CREBBP: variants seen among roughly 807,000 people sequenced by gnomAD.
CREBBP encodes CREB binding lysine acetyltransferase, also known as CREB-binding protein.
Under a neutral mutation model 265.0 loss-of-function variants are expected in CREBBP, and 19 were observed. The ratio of observed to expected loss-of-function variants is 0.07; its 90% CI spans 0.05 to 0.11. CREBBP has a LOEUF of 0.11. CREBBP is among the 10% of genes least tolerant of loss of function. CREBBP has a pLI of 1.00. For missense variants in CREBBP, 2,525 were observed against 3,219.0 expected (o/e 0.78, Z 5.22); for synonymous variants, 1,457 against 1,223.7 (o/e 1.19, Z -3.98).
Position 3,793,358 on chromosome 16 carries a change from C to A in CREBBP, c.1216+28G>T, listed in dbSNP as rs760513845. On this transcript the variant is annotated intron_variant, in intron 4 of 30. Transcript: ENST00000262367. ...AAGGCAAATTCTTCCTGACCTCTAC[C>A]ACTAGGAGTTCCAAAAACAGCACTT... is the stretch of plus-strand genomic sequence containing the variant. 1.9e-6 allele frequency: 3 copies of A among 1,613,472 alleles called. No homozygotes were observed. In the East Asian group the frequency reaches 6.7e-5, roughly 36 times the overall value.
chr16:3,858,077 G>T (rs1358984620), intron 1 of CREBBP, among the ~76,000 whole-genome samples: 4 of 152,094 alleles, frequency 2.6e-5, no homozygotes, highest in Admixed American at 2.6e-4. Context: ...CAGACTGTTA[G>T]GTGGGGATCA....
At chr16:3,811,095 A>T (rs951445243) in intron 2 of CREBBP, among the ~76,000 whole-genome samples, 1 of 152,122 alleles carries the variant, frequency 6.6e-6, no homozygotes, top group Non-Finnish European at 1.5e-5. Flanking sequence ...AAAACCTTCC[A>T]AAGCTGCTAC....
In CREBBP at chr16:3,805,410, T is replaced by C. The variant is rs182031597; in HGVS notation, c.975+5193A>G. Among the ~76,000 whole-genome samples the C allele has an allele frequency of 3.5e-4, 53 of 152,326 alleles. 1 individual carries two copies. Among genetic ancestry groups the C allele is most frequent in the Middle Eastern group, 6.8e-3 (2 of 294 alleles). Reference sequence around the variant, plus strand: ...ACTCTGTAAGGACTCTCTTTAGTCCTAGGATAGAGGGAGGTATTAGACAAG... The same window carrying C: ...ACTCTGTAAGGACTCTCTTTAGTCCCAGGATAGAGGGAGGTATTAGACAAG... On this transcript the variant is annotated intron_variant, in intron 3 of 30. Coordinates refer to ENST00000262367, the MANE Select transcript of CREBBP (RefSeq NM_004380.3).
chr16:3,727,857 T>C lies in CREBBP; in HGVS notation c.7190A>G (p.Gln2397Arg), dbSNP rs2151298687. 1.2e-6 allele frequency: 2 copies of C among 1,614,080 alleles called. No individual in the cohort carries two copies. Among genetic ancestry groups the C allele is most frequent in the East Asian group, 2.2e-5 (1 of 44,876 alleles). Residue 2397 changes from glutamine (Q) to arginine (R), a missense_variant, in exon 31 of 31, where the codon CAG becomes CGG. By Grantham distance (43) the Gln-to-Arg change is conservative (BLOSUM62 1). This residue lies in a region of CREBBP where 473 missense variants were observed against 459.3 expected (regional missense o/e 1.03). Transcript: ENST00000262367. ...CTGTTCGGGGTTCCCCAAGTGTCCCTGATCTATGGAGCTGGCCATGGTGAC... is the reference window on the plus strand; with the variant it reads ...CTGTTCGGGGTTCCCCAAGTGTCCCCGATCTATGGAGCTGGCCATGGTGAC... ...LAVTMASSIDQGHLGNPEQSA... is the reference protein window; with the variant it reads ...LAVTMASSIDRGHLGNPEQSA...
chr16:3,804,226 G>T (rs1190831839), intron 3 of CREBBP, among the ~76,000 whole-genome samples: 1 of 152,040 alleles, frequency 6.6e-6, no homozygotes, highest in Non-Finnish European at 1.5e-5. Context: ...AAGTTCAAGA[G>T]AATTACCAAT....
intron 2 of CREBBP, among the ~76,000 whole-genome samples, chr16:3,821,133 T>C (rs977094990): frequency 5.9e-5 from 9 of 152,242 alleles, no homozygotes; most frequent in Admixed American, 5.9e-4. Context: ...GTTTTCCTTA[T>C]CTATAAAATA....
chr16:3,836,261 C>G (rs895821137), intron 2 of CREBBP, among the ~76,000 whole-genome samples: 29 of 151,502 alleles, frequency 1.9e-4, no homozygotes, highest in Admixed American at 6.6e-4. Flanking sequence ...TGGTGAAACC[C>G]TATCTCTACC....
intron 3 of CREBBP, among the ~76,000 whole-genome samples, chr16:3,802,745 A>C (rs530613027): frequency 9.3e-4 from 142 of 152,134 alleles, no homozygotes; most frequent in African/African-American, 3.3e-3. Context: ...TGTGCAGCCA[A>C]TGCCCCGGAT....
intron 19 of CREBBP, among the ~76,000 whole-genome samples, chr16:3,753,447 G>A (rs1364061751): frequency 6.6e-6 from 1 of 152,122 alleles, no homozygotes; most frequent in African/African-American, 2.4e-5. Context: ...GATTAATGAA[G>A]GTTTCTTGCT....
rs754396803 is a variant in CREBBP, at chr16:3,728,284, G to A, written c.6763C>T (p.Pro2255Ser). The change falls in exon 31 of 31, where the codon CCC becomes TCC. Residue 2255 changes from proline (P) to serine (S), a missense_variant. Pro to Ser is a moderately conservative substitution (Grantham distance 74). Around this residue, in one of 19 missense-constraint regions of CREBBP, gnomAD observed 473 missense variants for 459.3 expected, o/e 1.03. Coordinates refer to ENST00000262367, the MANE Select transcript of CREBBP (RefSeq NM_004380.3). The surrounding 1 kb of genome is among the most constrained non-coding windows in gnomAD (Gnocchi z 8.7). ...TGGCCCATGGAGCTGCCCTGGAGGG[G>A]GAGATGCTGCTGCATGCGCTGCTGC... Reference protein sequence around the residue: ...QQQQRMQQHLPLQGSSMGQMA... With the variant: ...QQQQRMQQHLSLQGSSMGQMA... The A allele has an allele frequency of 4.3e-5, 70 of 1,612,156 alleles. No homozygotes were observed. Among genetic ancestry groups the A allele is most frequent in the Non-Finnish European group, 5.5e-5 (65 of 1,179,622 alleles).
At chr16:3,730,156 C>T (rs753296518) in intron 30 of CREBBP, among the ~76,000 whole-genome samples, 5 of 152,210 alleles carry the variant, frequency 3.3e-5, no homozygotes, top group African/African-American at 1.2e-4. Context: ...ACCTTCACTC[C>T]TGGCAACAGC....
chr16:3,780,600 T>C, intron 8 of CREBBP, 132 bp downstream of exon 8: 2 of 938,418 alleles, frequency 2.1e-6, no homozygotes, highest in Non-Finnish European at 3.3e-6. Context: ...GCCAGAACTC[T>C]ACCAGCAGTG....
rs1596781456 is a variant in CREBBP at position 3,728,102 on chromosome 16, G to A, written c.6945C>T (p.Ser2315=). 1 of 1,614,162 alleles carries A rather than the reference G, an allele frequency of 6.2e-7. No homozygotes were observed. Among genetic ancestry groups the A allele is most frequent in the Non-Finnish European group, 8.5e-7 (1 of 1,180,018 alleles). ...IGSPGQPNPM[S]PQQHMLSGQP... ...GTCCTGAGAGCATGTGTTGCTGGGG[G>A]CTCATGGGGTTCGGCTGGCCTGGGG... The change falls in exon 31 of 31, where the codon AGC becomes AGT. Residue 2315 remains serine, a synonymous_variant. Coordinates refer to ENST00000262367, the MANE Select transcript of CREBBP (RefSeq NM_004380.3). The surrounding 1 kb of genome is among the most constrained non-coding windows in gnomAD (Gnocchi z 8.7).
intron 3 of CREBBP, among the ~76,000 whole-genome samples, chr16:3,804,094 TC>T (rs1341169751): frequency 1.3e-5 from 2 of 148,942 alleles, no homozygotes; most frequent in African/African-American, 2.5e-5. Flanking sequence ...AAAAAAAAAA[TC>T]ACCCGACCAA....
intron 1 of CREBBP, among the ~76,000 whole-genome samples, chr16:3,877,404 G>T (rs765223588): frequency 6.6e-6 from 1 of 152,152 alleles, no homozygotes; most frequent in South Asian, 2.1e-4. Flanking sequence ...CAGACAAAGT[G>T]TCCCTCGTTT....
intron 25 of CREBBP, 116 bp from the exon 26 acceptor site, chr16:3,738,788 C>T: frequency 6.7e-6 from 5 of 747,308 alleles, no homozygotes; most frequent in Non-Finnish European, 1.2e-5. Flanking sequence ...CTCTGTCATT[C>T]AGGCTGCAAT....
At chr16:3,750,147 C>CA (rs2052440571) in intron 20 of CREBBP, among the ~76,000 whole-genome samples, 1 of 152,170 alleles carries the variant, frequency 6.6e-6, no homozygotes, top group African/African-American at 2.4e-5. Context: ...ACTACAGGTA[C>CA]AAACCACCAC....
rs756844215 is a variant in CREBBP at position 3,793,479 on chromosome 16, C to T, written c.1123G>A (p.Gly375Arg). 2 of 1,614,164 alleles carry T rather than the reference C, an allele frequency of 1.2e-6. No individual in the cohort carries two copies. Among genetic ancestry groups the T allele is most frequent in the East Asian group, 2.2e-5 (1 of 44,870 alleles). The change falls in exon 4 of 31, where the codon GGA (glycine) becomes AGA (arginine). Residue 375 changes from glycine (G) to arginine (R), a missense_variant. Gly to Arg is a moderately radical substitution (Grantham distance 125). Around this residue, in one of 19 missense-constraint regions of CREBBP, gnomAD observed 126 missense variants for 171.9 expected, o/e 0.73. Transcript: ENST00000262367. ...GGGAGCGAGCAGGCCCGAACCTCTC[C>T]GTTTGCTTGCTCTCGTCTCTGACAC... ...HKCQRREQANGEVRACSLPHC... is the reference protein window; with the variant it reads ...HKCQRREQANREVRACSLPHC...
chr16:3,856,590 G>A (rs1427205790), intron 1 of CREBBP, among the ~76,000 whole-genome samples: 3 of 152,084 alleles, frequency 2.0e-5, no homozygotes, highest in Non-Finnish European at 2.9e-5. Flanking sequence ...CAAAGCACTG[G>A]GATTACAGGC....
Sources: gnomAD v4.1 joint callset for allele counts (sites outside exome capture counted in the v4.1 genomes callset) on GRCh38, gnomAD v4.1.1 for gene constraint, gnomAD v4.1.1 regional missense constraint, Gnocchi (gnomAD v3.1) non-coding constraint, MANE v1.5 for transcripts, NCBI Gene and HGNC (gene_info 2026-07-23, HGNC 2026-07-21) for gene names.